Variants in FMN1 observed in about 807,000 individuals in gnomAD.
The protein encoded by FMN1 is formin 1, also known as formin-1.
A neutral mutation model predicts 132.4 loss-of-function variants in FMN1; 110 were observed. That is an observed-to-expected ratio of 0.83 (90% CI 0.71 to 0.97). FMN1 has a LOEUF of 0.97. Among genes scored for constraint, FMN1 ranks in the 50% least tolerant of loss-of-function variants. The pLI, the probability that FMN1 is intolerant of heterozygous loss-of-function variation, is 0.00. For synonymous variants in FMN1, 722 were observed against 651.7 expected (o/e 1.11, Z -1.64); for missense variants, 1,792 against 1,705.3 (o/e 1.05, Z -0.90).
Position 33,069,699 on chromosome 15 carries a change from C to T in FMN1, c.2044-4625G>A, listed in dbSNP as rs960041132. Among the ~76,000 whole-genome samples the T allele has an allele frequency of 2.6e-5, 4 of 152,210 alleles. No homozygotes were observed. In the South Asian group the frequency reaches 6.2e-4, roughly 24 times the overall value. On this transcript the variant is annotated intron_variant, in intron 5 of 20. Coordinates refer to ENST00000616417, the MANE Select transcript of FMN1 (RefSeq NM_001277313.2). ...TCACACAAATAAAAACGCATCATTG[C>T]ATCCCATCAACCACTAAGGGTAAGT...
At chr15:32,831,335 A>G (rs1203153896) in intron 17 of FMN1, among the ~76,000 whole-genome samples, 2 of 152,024 alleles carry the variant, frequency 1.3e-5, no homozygotes, top group Non-Finnish European at 2.9e-5. Flanking sequence ...CTCCTGCTTC[A>G]GCCTCCCGAG....
At chr15:32,920,139 A>C (rs772082172) in intron 10 of FMN1, among the ~76,000 whole-genome samples, 4 of 152,204 alleles carry the variant, frequency 2.6e-5, no homozygotes, top group Admixed American at 6.6e-5. Flanking sequence ...ATGCATATGA[A>C]CGTTTATATC....
At chr15:32,906,493 G>A (rs987013948) in intron 12 of FMN1, among the ~76,000 whole-genome samples, 5 of 152,244 alleles carry the variant, frequency 3.3e-5, no homozygotes, top group East Asian at 1.9e-4. Flanking sequence ...GTAACATCCC[G>A]TAAGCCACAA....
rs191231387 is a variant in FMN1 at position 32,909,574 on chromosome 15, A to G, written c.3288+900T>C. Among the ~76,000 whole-genome samples, 186 of 152,368 alleles carry G rather than the reference A, an allele frequency of 1.2e-3. 1 individual carries two copies. In the Middle Eastern group the frequency reaches 0.014, roughly 11 times the overall value. On this transcript the variant is annotated intron_variant, in intron 11 of 20. Transcript: ENST00000616417. ...AAACTTAAGGTCCCAGGGGACATAA[A>G]TATGAAACGAATCATCTTTTGAACT...
At chr15:32,966,394 CAAT>C (rs1387836169) in intron 8 of FMN1, among the ~76,000 whole-genome samples, 2 of 151,960 alleles carry the variant, frequency 1.3e-5, no homozygotes, top group East Asian at 1.9e-4. Flanking sequence ...TTTGGTAGGG[CAAT>C]AATAAGGACG....
intron 17 of FMN1, among the ~76,000 whole-genome samples, chr15:32,836,013 T>C (rs1425753053): frequency 6.6e-6 from 1 of 152,012 alleles, no homozygotes; most frequent in Non-Finnish European, 1.5e-5. Context: ...ATGCATGCTA[T>C]CATGGCCCAG....
At chr15:32,894,514 A>G (rs892662901) in intron 15 of FMN1, among the ~76,000 whole-genome samples, 3 of 151,914 alleles carry the variant, frequency 2.0e-5, no homozygotes, top group Non-Finnish European at 4.4e-5. Flanking sequence ...AGAGACAACA[A>G]TGAATTCTGA....
chr15:32,866,074 G>A (rs2059385818), intron 16 of FMN1, among the ~76,000 whole-genome samples: 1 of 151,758 alleles, frequency 6.6e-6, no homozygotes, highest in Admixed American at 6.6e-5. Context: ...AACGGGGCCT[G>A]TTGTGGGGTG....
At chr15:33,106,710 C>T (rs2039501211) in intron 4 of FMN1, among the ~76,000 whole-genome samples, 2 of 152,000 alleles carry the variant, frequency 1.3e-5, no homozygotes, top group South Asian at 4.1e-4. Flanking sequence ...GGAGGATGAC[C>T]TTTGCACTGT....
chr15:33,165,365 TAGAG>T (rs1965055866), intron 3 of FMN1, among the ~76,000 whole-genome samples: 1 of 152,210 alleles, frequency 6.6e-6, no homozygotes, highest in Non-Finnish European at 1.5e-5. Context: ...GCTTTCCAAT[TAGAG>T]AGCACAAGGG....
intron 9 of FMN1, among the ~76,000 whole-genome samples, chr15:32,935,706 T>C (rs530503872): frequency 6.6e-6 from 1 of 151,908 alleles, no homozygotes; most frequent in South Asian, 2.1e-4. Flanking sequence ...TGGCTCACTG[T>C]AACCTCTGCC....
chr15:33,074,147 TCCTGTTCACCCACATCACATCAC>T (rs2038107105), intron 5 of FMN1, among the ~76,000 whole-genome samples: 1 of 152,270 alleles, frequency 6.6e-6, no homozygotes, highest in South Asian at 2.1e-4. Flanking sequence ...GCATCCCATC[TCCTGTTCACCCACATCACATCAC>T]CCTGCTGCTA....
intron 17 of FMN1, 86 bp downstream of exon 17, chr15:32,856,917 TCAGCCAGGATGC>T: frequency 2.5e-6 from 2 of 811,788 alleles, no homozygotes; most frequent in Non-Finnish European, 4.2e-6. Flanking sequence ...CTGCCTGTGG[TCAGCCAGGATGC>T]CAGGGGCCGT....
chr15:32,928,719 A>G (rs1206150255), intron 9 of FMN1, among the ~76,000 whole-genome samples: 2 of 152,192 alleles, frequency 1.3e-5, no homozygotes, highest in African/African-American at 4.8e-5. Context: ...CACATCAATG[A>G]CAAGGACACA....
intron 6 of FMN1, among the ~76,000 whole-genome samples, chr15:33,011,470 A>G (rs1160450736): frequency 6.6e-6 from 1 of 151,958 alleles, no homozygotes; most frequent in Non-Finnish European, 1.5e-5. Context: ...TATAATAATT[A>G]TCTTATAAAA....
At chr15:32,801,275 G>A (rs1474589718) in intron 18 of FMN1, among the ~76,000 whole-genome samples, 1 of 152,068 alleles carries the variant, frequency 6.6e-6, no homozygotes, top group East Asian at 1.9e-4. Flanking sequence ...GGATTTGTGA[G>A]GTACTGCTTG....
intron 5 of FMN1, among the ~76,000 whole-genome samples, chr15:33,068,351 G>C (rs796511270): frequency 7.2e-5 from 11 of 152,134 alleles, no homozygotes; most frequent in Admixed American, 7.2e-4. Flanking sequence ...GTGCTGAGCC[G>C]GCAAGCTGAT....
chr15:33,144,780 C>T (rs1964152115), intron 4 of FMN1, among the ~76,000 whole-genome samples: 1 of 152,024 alleles, frequency 6.6e-6, no homozygotes, highest in African/African-American at 2.4e-5. Flanking sequence ...AGCAAATCCA[C>T]ATCGAATAAA....
At chr15:33,121,274 C>T (rs1449149286) in intron 4 of FMN1, among the ~76,000 whole-genome samples, 1 of 152,210 alleles carries the variant, frequency 6.6e-6, no homozygotes, top group East Asian at 1.9e-4. Context: ...ATGCCTGATT[C>T]TGAGTTTCAA....
Sources: allele counts gnomAD v4.1 joint callset (sites outside exome capture counted in the v4.1 genomes callset), GRCh38; gene constraint gnomAD v4.1.1; transcripts MANE v1.5; gene names NCBI Gene and HGNC (gene_info 2026-07-23, HGNC 2026-07-21).